RBFOX1: variants seen among roughly 807,000 people sequenced by gnomAD.
RBFOX1 encodes RNA binding protein fox-1 homolog 1.
In RBFOX1, 8 loss-of-function variants were observed where a neutral mutation model predicts 57.7. That is an observed-to-expected ratio of 0.14 (90% CI 0.08 to 0.25). RBFOX1 has a LOEUF of 0.25. Among genes scored for constraint, RBFOX1 ranks in the 10% least tolerant of loss-of-function variants. RBFOX1 has a pLI of 1.00. For missense variants in RBFOX1, 611 were observed against 548.5 expected (o/e 1.11, Z -1.14); for synonymous variants, 326 against 222.4 (o/e 1.47, Z -4.15).
chr16:7,351,173 T>G (rs1192998700), intron 4 of RBFOX1, among the ~76,000 whole-genome samples: 1 of 152,198 alleles, frequency 6.6e-6, no homozygotes, highest in Non-Finnish European at 1.5e-5. Context: ...GAGTTTGGAT[T>G]CAGATGGACC....
At chr16:6,965,428 C>T (rs1334279298) in intron 3 of RBFOX1, among the ~76,000 whole-genome samples, 2 of 151,832 alleles carry the variant, frequency 1.3e-5, no homozygotes, top group Non-Finnish European at 2.9e-5. Context: ...CTGCAGCCTC[C>T]CGGGTTCAAT....
At chr16:6,673,500 A>G (rs781247438) in intron 3 of RBFOX1, among the ~76,000 whole-genome samples, 2 of 152,180 alleles carry the variant, frequency 1.3e-5, no homozygotes, top group African/African-American at 2.4e-5. Context: ...AGGTAGGAGA[A>G]TCACCTGAAC....
In RBFOX1 at chr16:6,883,900, A is replaced by T. The variant is rs370489532; in HGVS notation, c.-15-168157A>T. On this transcript the variant is annotated intron_variant, in intron 3 of 15. Coordinates refer to ENST00000550418, the MANE Select transcript of RBFOX1 (RefSeq NM_018723.4). ...TGTTTTTAATAAAAGCTGAGACTTA[A>T]GTTAGAGGGGAACATCTTTACCCCA... Among the ~76,000 whole-genome samples the T allele has an allele frequency of 6.6e-5, 10 of 152,176 alleles. 2 individuals carry two copies. Among genetic ancestry groups the T allele is most frequent in the East Asian group, 1.9e-4 (1 of 5,172 alleles).
intron 1 of RBFOX1, among the ~76,000 whole-genome samples, chr16:5,294,304 T>C (rs2063609014): frequency 6.6e-6 from 1 of 152,142 alleles, no homozygotes; most frequent in African/African-American, 2.4e-5. Context: ...AGAGATTCTG[T>C]AGTAATTGAT....
intron 2 of RBFOX1, among the ~76,000 whole-genome samples, chr16:6,527,682 T>C (rs2096600283): frequency 6.8e-6 from 1 of 147,632 alleles, no homozygotes; most frequent in African/African-American, 2.7e-5. Flanking sequence ...TTAAGGAGAC[T>C]GGAGAGCCTG....
intron 4 of RBFOX1, among the ~76,000 whole-genome samples, chr16:7,135,487 T>C (rs2071667316): frequency 6.6e-6 from 1 of 152,232 alleles, no homozygotes; most frequent in African/African-American, 2.4e-5. Context: ...CCGTGAATAC[T>C]AAGGGGTGTG....
chr16:6,708,140 G>A (rs967483430), intron 3 of RBFOX1, among the ~76,000 whole-genome samples: 5 of 152,130 alleles, frequency 3.3e-5, no homozygotes, highest in Non-Finnish European at 5.9e-5. Context: ...ACCTGGCTTG[G>A]GGAGCGGGGG....
intron 3 of RBFOX1, among the ~76,000 whole-genome samples, chr16:5,695,371 A>G (rs1681263447): frequency 6.6e-6 from 1 of 152,324 alleles, no homozygotes; most frequent in South Asian, 2.1e-4. Context: ...CCACAGCAAT[A>G]AGAGCAAGCA....
chr16:7,000,314 C>T (rs978108226), intron 3 of RBFOX1, among the ~76,000 whole-genome samples: 16 of 152,048 alleles, frequency 1.1e-4, no homozygotes, highest in Middle Eastern at 6.8e-3. Flanking sequence ...TAAACATGAT[C>T]GATATGTCTC....
chr16:6,043,143 A>G lies in RBFOX1; in HGVS notation c.-127+23151A>G, dbSNP rs1567320234. On this transcript the variant is annotated intron_variant, in intron 1 of 15. Coordinates refer to ENST00000550418, the MANE Select transcript of RBFOX1 (RefSeq NM_018723.4). ...CAGAAAAAAAAAAAAAAAAAAAAAA[A>G]AAAAAAAAAAAAAAAAAAAGATAAG... Among the ~76,000 whole-genome samples the G allele has an allele frequency of 9.2e-4, 81 of 88,110 alleles. 2 individuals are homozygous for G. Among genetic ancestry groups the G allele is most frequent in the Non-Finnish European group, 1.6e-3 (59 of 37,720 alleles). 57.8% of individuals were successfully genotyped at this position (88,110 alleles called of 152,430 possible). A position where few individuals can be genotyped will look rare whatever the true frequency, so the allele number is the denominator to read the frequency against.
chr16:6,343,699 A>G (rs1411818632), intron 2 of RBFOX1, among the ~76,000 whole-genome samples: 1 of 152,230 alleles, frequency 6.6e-6, no homozygotes, highest in Non-Finnish European at 1.5e-5. Flanking sequence ...AAAAATTAAT[A>G]CAAATGCATG....
chr16:5,399,439 A>T (rs1009015316), intron 1 of RBFOX1, among the ~76,000 whole-genome samples: 3 of 152,216 alleles, frequency 2.0e-5, no homozygotes, highest in Non-Finnish European at 4.4e-5. Context: ...AATAAAGGAG[A>T]AAGTAAGAAT....
intron 2 of RBFOX1, among the ~76,000 whole-genome samples, chr16:6,603,612 C>G (rs79873943): frequency 6.6e-6 from 1 of 152,040 alleles, no homozygotes; most frequent in African/African-American, 2.4e-5. Context: ...TTGAGAAAGC[C>G]CCCCCGGGCA....
chr16:7,076,679 A>T (rs2058357395), intron 4 of RBFOX1, among the ~76,000 whole-genome samples: 1 of 152,218 alleles, frequency 6.6e-6, no homozygotes, highest in Non-Finnish European at 1.5e-5. Flanking sequence ...TTAACAACAC[A>T]AAGTGTAAAC....
intron 1 of RBFOX1, among the ~76,000 whole-genome samples, chr16:6,288,830 G>T (rs1393646806): frequency 6.6e-6 from 1 of 152,072 alleles, no homozygotes; most frequent in Non-Finnish European, 1.5e-5. Flanking sequence ...CCTGCTTGGG[G>T]TACTACTGAA....
chr16:6,875,319 A>C (rs939367268), intron 3 of RBFOX1, among the ~76,000 whole-genome samples: 1 of 152,154 alleles, frequency 6.6e-6, no homozygotes, highest in Non-Finnish European at 1.5e-5. Flanking sequence ...TTTTTAGAGA[A>C]ACATTTATAT....
chr16:6,406,839 A>G (rs1372202370), intron 2 of RBFOX1, among the ~76,000 whole-genome samples: 1 of 152,172 alleles, frequency 6.6e-6, no homozygotes, highest in Non-Finnish European at 1.5e-5. Flanking sequence ...TGATGTTAGA[A>G]ATAGAATAGA....
At chr16:6,359,946 C>A (rs995550934) in intron 2 of RBFOX1, among the ~76,000 whole-genome samples, 3 of 152,110 alleles carry the variant, frequency 2.0e-5, no homozygotes, top group Non-Finnish European at 4.4e-5. Context: ...TGATCTATGT[C>A]CTCCGTGATT....
chr16:7,599,856 C>A (rs1020067854), intron 9 of RBFOX1, among the ~76,000 whole-genome samples: 1 of 151,190 alleles, frequency 6.6e-6, no homozygotes, highest in African/African-American at 2.4e-5. Context: ...AGGCTGGTCT[C>A]GAACTCCTGA....
Sources: gnomAD v4.1 joint callset for allele counts (sites outside exome capture counted in the v4.1 genomes callset) on GRCh38, gnomAD v4.1.1 for gene constraint, MANE v1.5 for transcripts, NCBI Gene and HGNC (gene_info 2026-07-23, HGNC 2026-07-21) for gene names.